COL27A1: variants seen among roughly 807,000 people sequenced by gnomAD.
The protein encoded by COL27A1 is collagen type XXVII alpha 1 chain.
COL27A1 carries 106 observed loss-of-function variants against 251.3 expected under a neutral mutation model. The observed-to-expected ratio is 0.42, with a 90% confidence interval of 0.36 to 0.50. The LOEUF is 0.50. COL27A1 is among the 20% of genes least tolerant of loss of function. The probability of loss-of-function intolerance (pLI) is 0.00; values close to 1 mark genes in which losing one functional copy is unlikely to be tolerated. For missense variants in COL27A1, 2,325 were observed against 2,522.8 expected (o/e 0.92, Z 1.68); for synonymous variants, 1,000 against 986.3 (o/e 1.01, Z -0.26).
chr9:114,282,364 T>C, intron 38 of COL27A1, 34 bp downstream of exon 38: 2 of 1,613,058 alleles, frequency 1.2e-6, no homozygotes, highest in Non-Finnish European at 1.7e-6. Flanking sequence ...TAGGCCTGCG[T>C]CCCTCCCCCG....
chr9:114,263,207 G>A (rs927445618), intron 28 of COL27A1, among the ~76,000 whole-genome samples: 6 of 152,154 alleles, frequency 3.9e-5, no homozygotes, highest in Non-Finnish European at 1.5e-5. Flanking sequence ...AAAGTGCTGG[G>A]ATTACAGGCG....
chr9:114,196,940 A>C (rs955925024), intron 7 of COL27A1, among the ~76,000 whole-genome samples: 1 of 152,080 alleles, frequency 6.6e-6, no homozygotes, highest in Admixed American at 6.5e-5. Flanking sequence ...CTGCTCAAGA[A>C]CACTTAAGCT....
At chr9:114,213,325 C>T (rs529611547) in intron 12 of COL27A1, among the ~76,000 whole-genome samples, 47 of 152,276 alleles carry the variant, frequency 3.1e-4, no homozygotes, top group South Asian at 2.1e-4. Flanking sequence ...CCCCTCCTGG[C>T]GGCCCCTTCA....
intron 8 of COL27A1, among the ~76,000 whole-genome samples, 159 bp downstream of exon 8, chr9:114,205,305 C>T (rs1036696893): frequency 3.9e-5 from 6 of 152,214 alleles, no homozygotes; most frequent in African/African-American, 1.4e-4. Context: ...TCCAGTCCAC[C>T]CCACCTCTCT....
chr9:114,156,127 T>G, intron 1 of COL27A1, 115 bp downstream of exon 1: 1 of 1,263,514 alleles, frequency 7.9e-7, no homozygotes, highest in Non-Finnish European at 1.0e-6. Context: ...TTCCTGCCCC[T>G]TCCTGCGCCC....
chr9:114,272,472 A>G (rs893880496), intron 36 of COL27A1: 10 of 152,174 alleles, frequency 6.6e-5, no homozygotes, highest in Non-Finnish European at 1.3e-4. Context: ...TGGTCTTTAC[A>G]TGAATCCCAG....
Position 114,290,472 on chromosome 9 carries a change from GC to G in COL27A1, c.4368+142del. 1 of 761,622 alleles carries G rather than the reference GC, an allele frequency of 1.3e-6. No homozygotes were observed. The highest frequency in any genetic ancestry group is 3.5e-4 in the Middle Eastern group (1 of 2,820). 47.2% of individuals were successfully genotyped at this position (761,622 alleles called of 1,614,324 possible). The stretch of plus-strand genomic sequence containing the variant: ...CACATCCAGAAGTTCTCTGGGGTGG[GC>G]AACCATCTCCTCCCCTGGCACCTGG... On this transcript the variant is annotated intron_variant, in intron 47 of 60. Coordinates refer to ENST00000356083, the MANE Select transcript of COL27A1 (RefSeq NM_032888.4). This position sits in a 1 kb window ranked among gnomAD's most constrained non-coding sequence, Gnocchi z 4.6.
chr9:114,280,395 A>G (rs1249747), intron 37 of COL27A1, among the ~76,000 whole-genome samples: 121,441 of 152,064 alleles, frequency 0.8, 48,751 homozygotes, highest in East Asian at 1. Context: ...TAGAGACAGC[A>G]TTTTGCCATG....
At position 114,288,473 on chromosome 9, in the gene COL27A1, G is replaced by A. The variant is rs763188260; in HGVS notation, c.4006G>A (p.Gly1336Ser). Reference sequence around the variant, plus strand: ...TCCACAGGGGGAGCAGGGCGAGGACGGCAAGGCTGAGGGGCCCCCTGGGCC... The same window carrying A: ...TCCACAGGGGGAGCAGGGCGAGGACAGCAAGGCTGAGGGGCCCCCTGGGCC... Reference protein sequence around the residue: ...KGEKGEQGEDGKAEGPPGPPG... With the variant: ...KGEKGEQGEDSKAEGPPGPPG... Residue 1336 changes from glycine to serine, a missense_variant, in exon 42 of 61, where the codon GGC (glycine) becomes AGC (serine). By Grantham distance (56) the Gly-to-Ser change is moderately conservative. Coordinates refer to ENST00000356083, the MANE Select transcript of COL27A1 (RefSeq NM_032888.4). The A allele has an allele frequency of 4.3e-6, 7 of 1,610,186 alleles. No homozygotes were observed. The highest frequency in any genetic ancestry group is 3.3e-5 in the South Asian group (3 of 89,680).
chr9:114,228,449 C>T (rs1831673067), intron 14 of COL27A1, among the ~76,000 whole-genome samples: 1 of 152,218 alleles, frequency 6.6e-6, no homozygotes, highest in Admixed American at 6.5e-5. Flanking sequence ...CCAGAGGGGC[C>T]TGTGGACATG....
chr9:114,303,464 C>A (rs1828814694), intron 56 of COL27A1, among the ~76,000 whole-genome samples: 1 of 152,090 alleles, frequency 6.6e-6, no homozygotes, highest in African/African-American at 2.4e-5. Context: ...GTTTTGAACT[C>A]CTGACCTCAA....
At chr9:114,220,936 A>T (rs979745606) in intron 13 of COL27A1, among the ~76,000 whole-genome samples, 1 of 148,958 alleles carries the variant, frequency 6.7e-6, no homozygotes, top group Non-Finnish European at 1.5e-5. Context: ...TGGAGGTTGC[A>T]GTGAGCCAAG....
At chr9:114,272,595 C>G (rs1473181785) in intron 36 of COL27A1, 1 of 152,248 alleles carries the variant, frequency 6.6e-6, no homozygotes, top group Non-Finnish European at 1.5e-5. Flanking sequence ...CACCCGTTAT[C>G]TCTTCGCTGA....
chr9:114,187,196 G>A (rs913603445), intron 5 of COL27A1, among the ~76,000 whole-genome samples: 6 of 152,130 alleles, frequency 3.9e-5, no homozygotes, highest in Admixed American at 6.5e-5. Flanking sequence ...CAGGCCCTGT[G>A]CTGGGCACTT....
rs79350443 is a variant in COL27A1 at position 114,215,811 on chromosome 9, T to G, written c.2368-3980T>G. ...CCTAACTAGTGTAGTGATGGCACAT[T>G]AGAGTTGACCAGGGGCTGCATTAGA... On this transcript the variant is annotated intron_variant, in intron 12 of 60. Coordinates refer to ENST00000356083, the MANE Select transcript of COL27A1 (RefSeq NM_032888.4). 4.9e-3 allele frequency among the ~76,000 whole-genome samples: 741 copies of G among 152,236 alleles called. 8 individuals are homozygous for G. The highest frequency in any genetic ancestry group is 0.017 in the African/African-American group (704 of 41,526).
In COL27A1 at chr9:114,288,506, G is replaced by A; in HGVS notation, c.4039G>A (p.Asp1347Asn). 1 of 1,605,330 alleles carries A rather than the reference G, an allele frequency of 6.2e-7. No homozygotes were observed. ...KAEGPPGPPGDRGPVGDRGDR... is the reference protein window; with the variant it reads ...KAEGPPGPPGNRGPVGDRGDR... ...TGAGGGGCCCCCTGGGCCACCTGGA[G>A]ATCGGGTAAGCCCCCTCCCTCCCCT... Residue 1347 changes from aspartate (D) to asparagine (N), a missense_variant, in exon 42 of 61, where the codon GAT becomes AAT. Physicochemically the swap from Asp to Asn is conservative, Grantham distance 23 (BLOSUM62 1). Around this residue, in one of 4 missense-constraint regions of COL27A1, gnomAD observed 662 missense variants for 795.3 expected, o/e 0.83. Transcript: ENST00000356083.
intron 40 of COL27A1, among the ~76,000 whole-genome samples, chr9:114,284,009 AT>A (rs1188052280): frequency 6.6e-6 from 1 of 152,160 alleles, no homozygotes; most frequent in African/African-American, 2.4e-5. Context: ...CTTCTTGGGT[AT>A]TTCCTGCCCA....
intron 37 of COL27A1, among the ~76,000 whole-genome samples, chr9:114,277,443 C>A (rs79241905): frequency 0.019 from 2,913 of 152,252 alleles, 70 homozygotes; most frequent in African/African-American, 0.054. Context: ...CAGTTTGATT[C>A]AGGCCTGCTC....
At chr9:114,212,910 G>A (rs1188538852) in intron 12 of COL27A1, among the ~76,000 whole-genome samples, 1 of 152,212 alleles carries the variant, frequency 6.6e-6, no homozygotes, top group Non-Finnish European at 1.5e-5. Flanking sequence ...GGGAGGATTT[G>A]ACTTGCTTAG....
Sources: allele counts gnomAD v4.1 joint callset (sites outside exome capture counted in the v4.1 genomes callset), GRCh38; gene constraint gnomAD v4.1.1; regional missense constraint gnomAD v4.1.1; non-coding constraint Gnocchi (gnomAD v3.1); transcripts MANE v1.5; gene names NCBI Gene and HGNC (gene_info 2026-07-23, HGNC 2026-07-21).